The following NETO1 variants were observed in gnomAD, a reference collection of about 807,000 sequenced individuals.
NETO1 encodes the protein neuropilin and tolloid like 1, also known as neuropilin and tolloid-like protein 1.
In NETO1, 26 loss-of-function variants were observed where a neutral mutation model predicts 61.3. The observed-to-expected ratio is 0.42, with a 90% CI of 0.31 to 0.59. The LOEUF is 0.59. Ranked by LOEUF, NETO1 falls within the 20% of genes least tolerant of loss-of-function variation. The pLI, the probability that NETO1 is intolerant of heterozygous loss-of-function variation, is 0.12. For missense variants in NETO1, 531 were observed against 662.8 expected (o/e 0.80, Z 2.18); for synonymous variants, 225 against 225.8 (o/e 1.00, Z 0.03).
chr18:72,838,702 G>A lies in NETO1; in HGVS notation c.469+20124C>T, dbSNP rs538439733. On this transcript the variant is annotated intron_variant, in intron 4 of 10. Transcript: ENST00000327305. The stretch of plus-strand genomic sequence containing the variant: ...TCTTGGTGCTACTGGTTCTCTTAGA[G>A]AATCCCTAGCCAGGATAAAAATGCT... Among the ~76,000 whole-genome samples the A allele has an allele frequency of 1.5e-4, 23 of 152,308 alleles. No homozygotes were observed. The East Asian group carries it at 4.2e-3, about 28-fold the overall frequency.
At chr18:72,799,262 A>G (rs1008817149) in intron 4 of NETO1, among the ~76,000 whole-genome samples, 2 of 152,224 alleles carry the variant, frequency 1.3e-5, no homozygotes, top group Non-Finnish European at 2.9e-5. Context: ...CACAATTGTT[A>G]GGATTAATGA....
At chr18:72,846,066 G>A (rs1319552581) in intron 4 of NETO1, among the ~76,000 whole-genome samples, 2 of 151,922 alleles carry the variant, frequency 1.3e-5, no homozygotes, top group Non-Finnish European at 2.9e-5. Context: ...GATAGAAACT[G>A]TATCTGGATT....
intron 3 of NETO1, 103 bp from the exon 4 acceptor site, chr18:72,859,177 T>C: frequency 8.8e-7 from 1 of 1,142,454 alleles, no homozygotes; most frequent in Non-Finnish European, 1.2e-6. Flanking sequence ...TCTCTCAAAC[T>C]TTATGGATGA....
In NETO1 at chr18:72,830,145, T is replaced by C. The variant is rs531195395; in HGVS notation, c.469+28681A>G. 2.6e-5 allele frequency among the ~76,000 whole-genome samples: 4 copies of C among 152,100 alleles called. No individual in the cohort carries two copies. Among genetic ancestry groups the C allele is most frequent in the Non-Finnish European group, 5.9e-5 (4 of 68,034 alleles). ...AAGTACTATAAAACCTATGGCTTTA[T>C]CATCATAGAGGATCATGCATGTAAG... On this transcript the variant is annotated intron_variant, in intron 4 of 10. Transcript: ENST00000327305. The surrounding 1 kb of genome is among the most constrained non-coding windows in gnomAD (Gnocchi z 4.9).
Position 72,750,275 on chromosome 18 carries a change from C to T in NETO1, c.1328G>A (p.Ser443Asn), listed in dbSNP as rs769418450. Residue 443 changes from serine to asparagine, a missense_variant, in exon 9 of 11, where the codon AGC becomes AAC. Transcript: ENST00000327305. Reference sequence around the variant, plus strand: ...ATCTCTTGTGCTGAGGTTACTGCGGCTGCCTTTAGTGCTGGACAGCTGTGA... The same window carrying T: ...ATCTCTTGTGCTGAGGTTACTGCGGTTGCCTTTAGTGCTGGACAGCTGTGA... The part of the protein sequence containing the change: ...CGSQLSSTKG[S>N]RSNLSTRDAS... The T allele has an allele frequency of 2.0e-5, 32 of 1,614,096 alleles. No homozygotes were observed. The highest frequency in any genetic ancestry group is 2.7e-5 in the Non-Finnish European group (32 of 1,179,990).
chr18:72,853,841 C>T (rs1196849958), intron 4 of NETO1, among the ~76,000 whole-genome samples: 1 of 150,942 alleles, frequency 6.6e-6, no homozygotes, highest in Non-Finnish European at 1.5e-5. Context: ...TTAAATGAAA[C>T]TTTAGTTGTT....
At chr18:72,793,014 C>T (rs903516474) in intron 6 of NETO1, among the ~76,000 whole-genome samples, 1 of 152,180 alleles carries the variant, frequency 6.6e-6, no homozygotes, top group Non-Finnish European at 1.5e-5. Context: ...TTCTCTCTCT[C>T]TGTTATACCT....
intron 3 of NETO1, among the ~76,000 whole-genome samples, chr18:72,859,760 A>G (rs1039244399): frequency 1.2e-4 from 19 of 152,022 alleles, no homozygotes; most frequent in Middle Eastern, 3.2e-3. Context: ...ACTTTCATGG[A>G]TTTTCTTACA....
chr18:72,762,257 T>A (rs2071001045), intron 7 of NETO1, among the ~76,000 whole-genome samples: 1 of 151,774 alleles, frequency 6.6e-6, no homozygotes, highest in Non-Finnish European at 1.5e-5. Context: ...GCCTCCTGGG[T>A]TCAAGTGATA....
chr18:72,759,570 ACT>A (rs1157914678), intron 7 of NETO1, among the ~76,000 whole-genome samples: 2 of 152,096 alleles, frequency 1.3e-5, no homozygotes, highest in African/African-American at 4.8e-5. Context: ...AGAGCAGAAG[ACT>A]CTGACAAATG....
chr18:72,803,340 C>G (rs1378915520), intron 4 of NETO1, among the ~76,000 whole-genome samples: 1 of 152,124 alleles, frequency 6.6e-6, no homozygotes, highest in Non-Finnish European at 1.5e-5. Flanking sequence ...TGAAGTTAAA[C>G]AAGGATGCAT....
At chr18:72,798,384 A>T (rs150113565) in intron 4 of NETO1, among the ~76,000 whole-genome samples, 3 of 152,352 alleles carry the variant, frequency 2.0e-5, no homozygotes, top group African/African-American at 7.2e-5. Flanking sequence ...ACAGATGAAC[A>T]TTAGCAAAGA....
intron 7 of NETO1, among the ~76,000 whole-genome samples, chr18:72,762,942 C>T (rs1024645118): frequency 6.6e-6 from 1 of 152,160 alleles, no homozygotes; most frequent in Non-Finnish European, 1.5e-5. Context: ...GGTAGATTTA[C>T]ATAATGTATT....
intron 4 of NETO1, among the ~76,000 whole-genome samples, chr18:72,836,698 G>A (rs1184610414): frequency 1.3e-5 from 2 of 152,140 alleles, no homozygotes; most frequent in Non-Finnish European, 2.9e-5. Flanking sequence ...CTGAAGGAAG[G>A]CTGGTTGTAC....
rs11151801 is a variant in NETO1 at position 72,791,406 on chromosome 18, A to G, written c.639+2711T>C. ...GCTGCTAGGAACTCTATAAAAATAG[A>G]AAGTCCACATAGGCAGTAATCTCCA... On this transcript the variant is annotated intron_variant, in intron 6 of 10. Transcript: ENST00000327305. 6.6e-3 allele frequency among the ~76,000 whole-genome samples: 1,007 copies of G among 152,336 alleles called. 14 individuals carry two copies. The highest frequency in any genetic ancestry group is 0.023 in the African/African-American group (942 of 41,578).
chr18:72,756,019 G>A lies in NETO1; in HGVS notation c.982+15C>T. On this transcript the variant is annotated intron_variant, in intron 8 of 10. Coordinates refer to ENST00000327305, the MANE Select transcript of NETO1 (RefSeq NM_138966.5). ...GGGAGGAAATTTTTTTCAAATTTCA[G>A]GCACTAATCATTACCTTTACAGTGA... The A allele has an allele frequency of 6.9e-7, 1 of 1,441,192 alleles. No individual in the cohort carries two copies. 89.3% of individuals were successfully genotyped at this position (1,441,192 alleles called of 1,614,324 possible). A position where few individuals can be genotyped will look rare whatever the true frequency, so the allele number is the denominator to read the frequency against.
chr18:72,810,435 C>T (rs187175729), intron 4 of NETO1, among the ~76,000 whole-genome samples: 49 of 152,240 alleles, frequency 3.2e-4, no homozygotes, highest in African/African-American at 1.1e-3. Context: ...ACCTCCAGAC[C>T]TAACTGCCAG....
At chr18:72,841,268 T>C (rs771578074) in intron 4 of NETO1, among the ~76,000 whole-genome samples, 6 of 152,196 alleles carry the variant, frequency 3.9e-5, no homozygotes, top group Non-Finnish European at 7.3e-5. Context: ...TTGTGTTTTC[T>C]GAGATGGCAG....
At chr18:72,829,448 T>C (rs1045597181) in intron 4 of NETO1, among the ~76,000 whole-genome samples, 5 of 152,228 alleles carry the variant, frequency 3.3e-5, no homozygotes, top group African/African-American at 1.2e-4. Context: ...ATTATGATAT[T>C]ATGTATCATT....
Sources: allele counts gnomAD v4.1 joint callset (sites outside exome capture counted in the v4.1 genomes callset), GRCh38; gene constraint gnomAD v4.1.1; non-coding constraint Gnocchi (gnomAD v3.1); transcripts MANE v1.5; gene names NCBI Gene and HGNC (gene_info 2026-07-23, HGNC 2026-07-21).